Variants in BSPH1 observed in about 807,000 individuals in gnomAD.
BSPH1 encodes binder of sperm 1.
A neutral mutation model predicts 22.5 loss-of-function variants in BSPH1; 21 were observed. That is an observed-to-expected ratio of 0.93 (90% CI 0.66 to 1.35). The LOEUF (loss-of-function observed/expected upper bound fraction) is 1.35, where lower values mean the gene tolerates loss of function less well. Ranked by LOEUF, BSPH1 falls within the 40% of genes most tolerant of loss-of-function variation. BSPH1 has a pLI of 0.00. For missense variants in BSPH1, 141 were observed against 154.2 expected, an observed-to-expected ratio of 0.91 and a Z score of 0.45; for synonymous variants, 42 against 53.6, an observed-to-expected ratio of 0.78 and a Z score of 0.95.
intron 1 of BSPH1, among the ~76,000 whole-genome samples, chr19:47,989,773 G>A (rs374293060): frequency 1.3e-5 from 2 of 152,030 alleles, no homozygotes; most frequent in African/African-American, 2.4e-5. Context: ...TATTGAATTC[G>A]ACCAGCATCA....
rs559449939 is a variant in BSPH1 at position 47,991,821 on chromosome 19, T to C, written c.73+188A>G. ...TCCCTCTTTCTCCCCTCCTCCTCCT[T>C]CCTCTCTTCCTCCTCTTCCCTCTTC... On this transcript the variant is annotated intron_variant, in intron 1 of 5. Coordinates refer to ENST00000344839, the MANE Select transcript of BSPH1 (RefSeq NM_001128326.2). Among the ~76,000 whole-genome samples the C allele has an allele frequency of 2.0e-4, 14 of 70,232 alleles. 1 individual carries two copies. Among genetic ancestry groups the C allele is most frequent in the South Asian group, 6.0e-4 (1 of 1,668 alleles). The allele number at this position is 70,232 out of a possible 152,430, so 46.1% of individuals were successfully genotyped here.
intron 5 of BSPH1, 130 bp downstream of exon 5, chr19:47,976,580 C>CAAAA: frequency 1.7e-6 from 1 of 598,384 alleles, no homozygotes; most frequent in Non-Finnish European, 2.7e-6. Flanking sequence ...ACTCACATCC[C>CAAAA]AGAAAAAAAA....
chr19:47,985,816 C>T (rs1969464942), intron 1 of BSPH1, among the ~76,000 whole-genome samples: 1 of 141,360 alleles, frequency 7.1e-6, no homozygotes, highest in African/African-American at 2.7e-5. Context: ...GCCTGAGTGA[C>T]AGGGCAAGAC....
chr19:47,980,182 G>C (rs1369346978), intron 2 of BSPH1, among the ~76,000 whole-genome samples: 3 of 137,488 alleles, frequency 2.2e-5, no homozygotes, highest in Non-Finnish European at 4.7e-5. Context: ...GTTTATTTCA[G>C]CATGATTAGT....
intron 3 of BSPH1, among the ~76,000 whole-genome samples, chr19:47,978,241 A>C (rs1445211302): frequency 6.6e-6 from 1 of 151,812 alleles, no homozygotes; most frequent in Non-Finnish European, 1.5e-5. Flanking sequence ...AGTAGCTGGG[A>C]CTGCAGGTGC....
chr19:47,982,802 C>T (rs942801326), intron 1 of BSPH1, among the ~76,000 whole-genome samples: 11 of 152,006 alleles, frequency 7.2e-5, no homozygotes, highest in African/African-American at 1.9e-4. Context: ...GAATAGATGC[C>T]ACCACATGGA....
In BSPH1 at chr19:47,976,984, C is replaced by T. The variant is rs144743723; in HGVS notation, c.257-130G>A. Reference sequence around the variant, plus strand: ...GCACGTGAACAAATGTGCACACATACACATGCACACTCACACAGACATACA... The same window carrying T: ...GCACGTGAACAAATGTGCACACATATACATGCACACTCACACAGACATACA... On this transcript the variant is annotated intron_variant, in intron 4 of 5. Coordinates refer to ENST00000344839, the MANE Select transcript of BSPH1 (RefSeq NM_001128326.2). 1,041 of 830,772 alleles carry T rather than the reference C, an allele frequency of 1.3e-3. 1 individual carries two copies. The highest frequency in any genetic ancestry group is 1.7e-3 in the Non-Finnish European group (912 of 537,436). The allele number at this position is 830,772 out of a possible 1,614,324, so 51.5% of individuals were successfully genotyped here.
At chr19:47,978,000 G>GGA (rs1300565710) in intron 3 of BSPH1, among the ~76,000 whole-genome samples, 10 of 16,428 alleles carry the variant, frequency 6.1e-4, no homozygotes, top group Middle Eastern at 0.02. Flanking sequence ...GGTTAATACA[G>GGA]GATATATATA....
At chr19:47,974,267 C>CT (rs1969339369) in intron 5 of BSPH1, among the ~76,000 whole-genome samples, 1 of 63,442 alleles carries the variant, frequency 1.6e-5, no homozygotes, top group Admixed American at 1.5e-4. Flanking sequence ...CTCTCTCTCT[C>CT]TCTTTTTTTT....
Position 47,976,872 on chromosome 19 carries a change from G to A in BSPH1, c.257-18C>T. ...TGCAAAATCTGCAGAGGAGGAAGAG[G>A]AAGAAGCAGAGTAAGAAACCTTTCT... is the stretch of plus-strand genomic sequence containing the variant. On this transcript the variant is annotated intron_variant, in intron 4 of 5. Coordinates refer to ENST00000344839, the MANE Select transcript of BSPH1 (RefSeq NM_001128326.2). 1 of 1,550,354 alleles carries A rather than the reference G, an allele frequency of 6.5e-7. No individual in the cohort carries two copies. Among genetic ancestry groups the A allele is most frequent in the Non-Finnish European group, 8.7e-7 (1 of 1,146,450 alleles).
intron 1 of BSPH1, among the ~76,000 whole-genome samples, chr19:47,985,072 AAAAAAAGAAAG>A (rs989323098): frequency 2.9e-5 from 4 of 136,184 alleles, no homozygotes; most frequent in African/African-American, 1.2e-4. Context: ...TGAAAAAAAA[AAAAAAAGAAAG>A]AAAAAGAAAA....
intron 3 of BSPH1, 83 bp from the exon 4 acceptor site, chr19:47,977,587 C>A: frequency 1.3e-6 from 2 of 1,506,992 alleles, no homozygotes; most frequent in Non-Finnish European, 1.8e-6. Context: ...GGCGCTGTTG[C>A]CCTTTGAAAT....
chr19:47,979,635 C>G, intron 2 of BSPH1, 36 bp from the exon 3 acceptor site: 1 of 1,015,974 alleles, frequency 9.8e-7, no homozygotes, highest in Non-Finnish European at 1.4e-6. Flanking sequence ...ATTTATTTCA[C>G]TATTATTAGG....
intron 1 of BSPH1, among the ~76,000 whole-genome samples, chr19:47,989,730 G>A (rs891248955): frequency 1.3e-5 from 2 of 152,098 alleles, no homozygotes; most frequent in Non-Finnish European, 2.9e-5. Flanking sequence ...TCTGCAAGCC[G>A]GATTGCTGTG....
At chr19:47,978,001 G>GAT (rs10609973) in intron 3 of BSPH1, among the ~76,000 whole-genome samples, 23,572 of 109,972 alleles carry the variant, frequency 0.21, 2,677 homozygotes, top group East Asian at 0.36. Context: ...GTTAATACAG[G>GAT]ATATATATAT....
At chr19:47,978,427 C>T (rs1174383738) in intron 3 of BSPH1, among the ~76,000 whole-genome samples, 3 of 152,120 alleles carry the variant, frequency 2.0e-5, no homozygotes, top group Non-Finnish European at 2.9e-5. Flanking sequence ...AATGCTGATT[C>T]ATGTTCTGTG....
At chr19:47,977,927 C>T (rs1211309601) in intron 3 of BSPH1, among the ~76,000 whole-genome samples, 1 of 147,414 alleles carries the variant, frequency 6.8e-6, no homozygotes, top group Non-Finnish European at 1.5e-5. Flanking sequence ...CTGGGTATAT[C>T]TGTGTTGTAT....
At chr19:47,988,188 A>G (rs6509356) in intron 1 of BSPH1, among the ~76,000 whole-genome samples, 18,537 of 151,844 alleles carry the variant, frequency 0.12, 1,520 homozygotes, top group East Asian at 0.34. Flanking sequence ...AAGTAGTTAA[A>G]CTCACTCTGT....
downstream of BSPH1, among the ~76,000 whole-genome samples, chr19:47,967,409 T>TA (rs1568393798): frequency 6.6e-6 from 1 of 152,164 alleles, no homozygotes; most frequent in African/African-American, 2.4e-5. Flanking sequence ...GGGGCTGCCA[T>TA]AAAAAAGTAA....
Sources: allele counts gnomAD v4.1 joint callset (sites outside exome capture counted in the v4.1 genomes callset), GRCh38; gene constraint gnomAD v4.1.1; transcripts MANE v1.5; gene names NCBI Gene and HGNC (gene_info 2026-07-23, HGNC 2026-07-21).